Variants in ANO10 observed in about 807,000 individuals in gnomAD.
The protein encoded by ANO10 is anoctamin-10.
A neutral mutation model predicts 74.7 loss-of-function variants in ANO10; 77 were observed. That is an observed-to-expected ratio of 1.03 (90% CI 0.86 to 1.25). The LOEUF (loss-of-function observed/expected upper bound fraction) is 1.25. ANO10 is among the 50% of genes most tolerant of loss of function. The pLI, the probability that ANO10 is intolerant of heterozygous loss-of-function variation, is 0.00. For synonymous variants in ANO10, 279 were observed against 284.9 expected (o/e 0.98, Z 0.21); for missense variants, 721 against 778.1 (o/e 0.93, Z 0.87).
rs370571769 is a variant in ANO10 at position 43,629,724 on chromosome 3, T to C, written c.-11-23861A>G. Among the ~76,000 whole-genome samples, 28 of 152,306 alleles carry C rather than the reference T, an allele frequency of 1.8e-4. No individual in the cohort carries two copies. The South Asian group carries it at 5.8e-3, about 32-fold the overall frequency. On this transcript the variant is annotated intron_variant, in intron 1 of 3. Coordinates refer to the ANO10 transcript ENST00000413397. ...AAAGTATGAGAGAAAGAGGAGTCAA[T>C]TGATAACTGAGGTAGGGAAAACTAT...
upstream of ANO10, among the ~76,000 whole-genome samples, chr3:43,623,743 T>C (rs1483406518): frequency 6.6e-6 from 1 of 152,226 alleles, no homozygotes; most frequent in African/African-American, 2.4e-5. Context: ...CAGTTTGTCA[T>C]TCTTTCTAGT....
chr3:43,435,670 T>C (rs1365673519), intron 11 of ANO10, among the ~76,000 whole-genome samples: 1 of 152,208 alleles, frequency 6.6e-6, no homozygotes, highest in Non-Finnish European at 1.5e-5. Flanking sequence ...CTCCCCACTT[T>C]GCCAAACTAC....
intron 11 of ANO10, among the ~76,000 whole-genome samples, chr3:43,505,514 C>CA (rs1164861507): frequency 6.6e-6 from 1 of 152,190 alleles, no homozygotes; most frequent in African/African-American, 2.4e-5. Context: ...TATACCCCAT[C>CA]AAAGCCCTTT....
chr3:43,587,048 T>A (rs2081511675), intron 4 of ANO10, among the ~76,000 whole-genome samples: 1 of 152,144 alleles, frequency 6.6e-6, no homozygotes, highest in Admixed American at 6.5e-5. Context: ...TGAAGAAATT[T>A]TTCCTGAAAT....
intron 1 of ANO10, among the ~76,000 whole-genome samples, chr3:43,617,473 G>T (rs1399464552): frequency 6.6e-6 from 1 of 152,120 alleles, no homozygotes; most frequent in South Asian, 2.1e-4. Flanking sequence ...TTTATCATGT[G>T]TCGAATTGCA....
At chr3:43,391,527 G>A (rs2092274445) in intron 12 of ANO10, among the ~76,000 whole-genome samples, 1 of 152,146 alleles carries the variant, frequency 6.6e-6, no homozygotes, top group Non-Finnish European at 1.5e-5. Flanking sequence ...CTCCTTTGTG[G>A]AATCCCCTAC....
chr3:43,427,896 A>G (rs1296936325), intron 12 of ANO10, among the ~76,000 whole-genome samples: 1 of 152,166 alleles, frequency 6.6e-6, no homozygotes, highest in Non-Finnish European at 1.5e-5. Flanking sequence ...GTGAGACTAA[A>G]CAGGAATTGT....
At chr3:43,626,003 G>A (rs2083487842), upstream of ANO10, among the ~76,000 whole-genome samples, 1 of 151,566 alleles carries the variant, frequency 6.6e-6, no homozygotes, top group Non-Finnish European at 1.5e-5. Context: ...GCATGATCTA[G>A]GCTCACTGCA....
intron 11 of ANO10, among the ~76,000 whole-genome samples, chr3:43,469,732 ATCT>A (rs1297128123): frequency 4.6e-5 from 7 of 152,202 alleles, no homozygotes; most frequent in Non-Finnish European, 8.8e-5. Context: ...TCAGTGTTTA[ATCT>A]TCTTCTAATG....
intron 10 of ANO10, among the ~76,000 whole-genome samples, chr3:43,550,933 T>C (rs964378277): frequency 2.1e-4 from 32 of 152,088 alleles, no homozygotes; most frequent in African/African-American, 5.8e-4. Context: ...AATAAGCATA[T>C]TGAATATATA....
At chr3:43,590,526 A>G (rs2081685264) in intron 4 of ANO10, among the ~76,000 whole-genome samples, 1 of 147,088 alleles carries the variant, frequency 6.8e-6, no homozygotes, top group Non-Finnish European at 1.5e-5. Flanking sequence ...ATCACCTAAG[A>G]AGAATTCTTG....
At position 43,552,728 on chromosome 3, in the gene ANO10, ATG is replaced by A. The variant is rs1272474105; in HGVS notation, c.1668+2548_1668+2549del. Among the ~76,000 whole-genome samples, 865 of 99,866 alleles carry A rather than the reference ATG, an allele frequency of 8.7e-3. 7 individuals carry two copies. The highest frequency in any genetic ancestry group is 0.01 in the Middle Eastern group (2 of 192). 65.5% of individuals were successfully genotyped at this position (99,866 alleles called of 152,430 possible). On this transcript the variant is annotated intron_variant, in intron 10 of 12. Transcript: ENST00000292246. ...TATATATATATATATATATATATATATGTATGTATGTATGTATGTATGTATGT... is the reference window on the plus strand; with the variant it reads ...TATATATATATATATATATATATATATATGTATGTATGTATGTATGTATGT...
intron 12 of ANO10, among the ~76,000 whole-genome samples, chr3:43,405,411 C>G (rs1469445479): frequency 1.3e-5 from 2 of 152,202 alleles, no homozygotes; most frequent in Non-Finnish European, 2.9e-5. Flanking sequence ...CATGAACTCA[C>G]TGTGTTGTGA....
At chr3:43,547,538 C>T (rs1414877350) in intron 11 of ANO10, among the ~76,000 whole-genome samples, 2 of 152,026 alleles carry the variant, frequency 1.3e-5, no homozygotes, top group African/African-American at 2.4e-5. Context: ...CCAGTTTAGA[C>T]AATGACAATT....
At chr3:43,670,234 T>C (rs2149576996) in intron 1 of ANO10, among the ~76,000 whole-genome samples, 1 of 152,086 alleles carries the variant, frequency 6.6e-6, no homozygotes, top group East Asian at 1.9e-4. Context: ...TGGTGGCACA[T>C]GCCTGTAGTC....
intron 1 of ANO10, among the ~76,000 whole-genome samples, chr3:43,657,501 G>A (rs935688501): frequency 6.6e-6 from 1 of 152,148 alleles, no homozygotes; most frequent in African/African-American, 2.4e-5. Flanking sequence ...GCATCTTATG[G>A]GACAGTCACT....
intron 3 of ANO10, among the ~76,000 whole-genome samples, chr3:43,599,816 G>A (rs2149479578): frequency 6.6e-6 from 1 of 151,934 alleles, no homozygotes; most frequent in South Asian, 2.1e-4. Context: ...TGAGGCAGGA[G>A]AATGGCGTGA....
At chr3:43,691,066 T>A in intron 1 of ANO10, 3 of 1,529,480 alleles carry the variant, frequency 2.0e-6, no homozygotes, top group Non-Finnish European at 2.6e-6. Context: ...GGGGGCTTCG[T>A]GTGTCTCCGG....
rs572673342 is a variant in ANO10, at chr3:43,388,465, C to T, written c.1915-21491G>A. On this transcript the variant is annotated intron_variant, in intron 12 of 12. Coordinates refer to ENST00000292246, the MANE Select transcript of ANO10 (RefSeq NM_018075.5). ...GAATGCATGCCCTTATCCCTGTGTT[C>T]CTGACCACATTCCGAAGGCTCTTTT... 9.2e-5 allele frequency among the ~76,000 whole-genome samples: 14 copies of T among 152,226 alleles called. No homozygotes were observed. In the South Asian group the frequency reaches 2.9e-3, roughly 32 times the overall value.
Sources: allele counts gnomAD v4.1 joint callset (sites outside exome capture counted in the v4.1 genomes callset), GRCh38; gene constraint gnomAD v4.1.1; transcripts MANE v1.5; gene names NCBI Gene and HGNC (gene_info 2026-07-23, HGNC 2026-07-21).